Variants in RGS16 observed in about 807,000 individuals in gnomAD.
RGS16 encodes regulator of G protein signaling 16, also known as hRGS-r.
Under a neutral mutation model 18.1 loss-of-function variants are expected in RGS16, and 12 were observed. The observed-to-expected ratio is 0.66, with a 90% CI of 0.42 to 1.07. The LOEUF is 1.07. Ranked by LOEUF, RGS16 falls within the 50% of genes least tolerant of loss-of-function variation. RGS16 has a pLI of 0.00. For missense variants in RGS16, 238 were observed against 249.2 expected, an observed-to-expected ratio of 0.95 and a Z score of 0.30; for synonymous variants, 88 against 102.0, an observed-to-expected ratio of 0.86 and a Z score of 0.83.
rs913941703 is a variant in RGS16 at position 182,599,959 on chromosome 1, C to G, written c.*333G>C. The G allele has an allele frequency of 1.1e-5, 4 of 362,106 alleles. No homozygotes were observed. Among genetic ancestry groups the G allele is most frequent in the African/African-American group, 8.3e-5 (4 of 48,234 alleles). 22.4% of individuals were successfully genotyped at this position (362,106 alleles called of 1,614,324 possible). A position where few individuals can be genotyped will look rare whatever the true frequency, so the allele number is the denominator to read the frequency against. The stretch of plus-strand genomic sequence containing the variant: ...TTATCCACATGTTTCCTAAACCACA[C>G]TAGAACACTTCCTTCTCCGGTGAGA... On this transcript the variant is annotated 3_prime_UTR_variant, in exon 5 of 5. Coordinates refer to ENST00000367558, the MANE Select transcript of RGS16 (RefSeq NM_002928.4).
chr1:182,602,214 T>G (rs1661878023), intron 3 of RGS16, 82 bp from the exon 4 acceptor site: 4 of 1,421,448 alleles, frequency 2.8e-6, no homozygotes, highest in Non-Finnish European at 3.9e-6. Context: ...CAATTGCAAT[T>G]AATGGCTCTA....
At chr1:182,600,820 A>C (rs1262329016) in intron 4 of RGS16, among the ~76,000 whole-genome samples, 1 of 152,180 alleles carries the variant, frequency 6.6e-6, no homozygotes, top group Non-Finnish European at 1.5e-5. Context: ...GATTTGCACC[A>C]AGGCCTCCTA....
intron 4 of RGS16, among the ~76,000 whole-genome samples, chr1:182,601,565 G>GA (rs1387702176): frequency 3.3e-5 from 5 of 152,250 alleles, no homozygotes; most frequent in African/African-American, 1.2e-4. Flanking sequence ...GGCCAGGAGA[G>GA]AAGGTAGACA....
chr1:182,604,249 G>T lies in RGS16; in HGVS notation c.11C>A (p.Thr4Asn), dbSNP rs1316246213. Residue 4 changes from threonine to asparagine, a missense_variant, in exon 1 of 5, where the codon ACC (threonine) becomes AAC (asparagine). Physicochemically the swap from Thr to Asn is moderately conservative, Grantham distance 65. Coordinates refer to ENST00000367558, the MANE Select transcript of RGS16 (RefSeq NM_002928.4). The part of the protein sequence containing the change: MCR[T>N]LAAFPTTCLE... ...GCAGGTGGTGGGGAAGGCGGCCAGG[G>T]TGCGGCACATGGCTGCGGGCGCAGG... is the stretch of plus-strand genomic sequence containing the variant. 1.9e-6 allele frequency: 3 copies of T among 1,551,486 alleles called. No homozygotes were observed. The highest frequency in any genetic ancestry group is 2.6e-6 in the Non-Finnish European group (3 of 1,147,024).
rs552598355 is a variant in RGS16, at chr1:182,601,971, T to C, written c.382A>G (p.Lys128Glu). The change falls in exon 4 of 5, where the codon AAA becomes GAA. Residue 128 changes from lysine to glutamate, a missense_variant. Transcript: ENST00000367558. ...GGGCATATGGGGGCTCTAACCTCTT[T>C]AGGGGCCTCACTGCAAATGAACTCC... ...FEEFICSEAPKEVNIDHETHE... is the reference protein window; with the variant it reads ...FEEFICSEAPEEVNIDHETHE... The C allele has an allele frequency of 1.2e-6, 2 of 1,614,160 alleles. No individual in the cohort carries two copies. The highest frequency in any genetic ancestry group is 2.2e-5 in the East Asian group (1 of 44,878).
rs1313346701 is a variant in RGS16, at chr1:182,602,089, A to G, written c.264T>C (p.Ser88=). The part of the protein sequence containing the change: ...AFHAFLKTEF[S]EENLEFWLAC... Reference sequence around the variant, plus strand: ...CCAGCCAGAACTCCAGGTTCTCCTCACTGAACTCTGTCTTCAGGAAAGCGT... The same window carrying G: ...CCAGCCAGAACTCCAGGTTCTCCTCGCTGAACTCTGTCTTCAGGAAAGCGT... The change falls in exon 4 of 5, where the codon AGT becomes AGC. Residue 88 remains serine, a synonymous_variant. Transcript: ENST00000367558. 1 of 1,613,954 alleles carries G rather than the reference A, an allele frequency of 6.2e-7. No homozygotes were observed. The highest frequency in any genetic ancestry group is 2.2e-5 in the East Asian group (1 of 44,880).
chr1:182,600,192 C>T lies in RGS16; in HGVS notation c.*100G>A. 1.4e-5 allele frequency: 6 copies of T among 421,556 alleles called. No homozygotes were observed. The highest frequency in any genetic ancestry group is 5.5e-5 in the South Asian group (2 of 36,340). The allele number at this position is 421,556 out of a possible 1,614,324, so 26.1% of individuals were successfully genotyped here. A position where few individuals can be genotyped will look rare whatever the true frequency, so the allele number is the denominator to read the frequency against. On this transcript the variant is annotated 3_prime_UTR_variant, in exon 5 of 5. Coordinates refer to ENST00000367558, the MANE Select transcript of RGS16 (RefSeq NM_002928.4). ...TTTTTTTTTTTTTTTTGTCCTCTTG[C>T]ACTTGCTTTGCAGAACCTGCCTCCC...
At position 182,600,404 on chromosome 1, in the gene RGS16, T is replaced by G; in HGVS notation, c.497A>C (p.Asp166Ala). Reference protein sequence around the residue: ...QGKTRTLMEKDSYPRFLKSPA... With the variant: ...QGKTRTLMEKASYPRFLKSPA... ...CGACTTCAGGAAGCGTGGGTAGGAGTCCTTCTCCATCAGGGTACGTGTCTT... is the reference window on the plus strand; with the variant it reads ...CGACTTCAGGAAGCGTGGGTAGGAGGCCTTCTCCATCAGGGTACGTGTCTT... Residue 166 changes from aspartate to alanine, a missense_variant, in exon 5 of 5, where the codon GAC (aspartate) becomes GCC (alanine). By Grantham distance (126) the Asp-to-Ala change is moderately radical (BLOSUM62 -2). Transcript: ENST00000367558. 4 of 1,613,188 alleles carry G rather than the reference T, an allele frequency of 2.5e-6. No individual in the cohort carries two copies. The highest frequency in any genetic ancestry group is 3.4e-6 in the Non-Finnish European group (4 of 1,179,798).
chr1:182,600,035 C>G lies in RGS16; in HGVS notation c.*257G>C, dbSNP rs1438910395. 3 of 534,542 alleles carry G rather than the reference C, an allele frequency of 5.6e-6. No individual in the cohort carries two copies. Among genetic ancestry groups the G allele is most frequent in the Non-Finnish European group, 1.0e-5 (3 of 299,024 alleles). 33.1% of individuals were successfully genotyped at this position (534,542 alleles called of 1,614,324 possible). ...CCACCTTTTTGCCCCACAGAGAGCC[C>G]CACCAACCCTCATCATTAGCCCTTA... is the stretch of plus-strand genomic sequence containing the variant. On this transcript the variant is annotated 3_prime_UTR_variant, in exon 5 of 5. Transcript: ENST00000367558.
In RGS16 at chr1:182,601,331, T is replaced by G. The variant is rs75034882; in HGVS notation, c.387+635A>C. Among the ~76,000 whole-genome samples, 996 of 152,270 alleles carry G rather than the reference T, an allele frequency of 6.5e-3. 3 individuals carry two copies. The highest frequency in any genetic ancestry group is 9.8e-3 in the Non-Finnish European group (668 of 68,022). ...TATTGGCATCTTCCCCCATTCAAAT[T>G]ATAAGTTTCATTAGGTAAGGGACTT... On this transcript the variant is annotated intron_variant, in intron 4 of 4. Transcript: ENST00000367558.
chr1:182,600,503 T>A lies in RGS16; in HGVS notation c.398A>T (p.Asp133Val), dbSNP rs368729850. Residue 133 changes from aspartate (D) to valine (V), a missense_variant, in exon 5 of 5, where the codon GAC becomes GTC. By Grantham distance (152) the Asp-to-Val change is radical. Coordinates refer to ENST00000367558, the MANE Select transcript of RGS16 (RefSeq NM_002928.4). ...CSEAPKEVNI[D>V]HETHELTRMN... ...CCTCGTCAGCTCGTGGGTCTCATGG[T>A]CAATGTTGACCTGCGGGAAGGAGGA... The A allele has an allele frequency of 6.2e-7, 1 of 1,613,818 alleles. No individual in the cohort carries two copies. Among genetic ancestry groups the A allele is most frequent in the Admixed American group, 1.7e-5 (1 of 60,002 alleles).
rs762647548 is a variant in RGS16, at chr1:182,600,263, C to T, written c.*29G>A. On this transcript the variant is annotated 3_prime_UTR_variant, in exon 5 of 5. Coordinates refer to ENST00000367558, the MANE Select transcript of RGS16 (RefSeq NM_002928.4). Reference sequence around the variant, plus strand: ...GGGATGGGTGACTCAACCTCTCTTCCCGGCTGGCTTCCTCACTGCCGTGGA... The same window carrying T: ...GGGATGGGTGACTCAACCTCTCTTCTCGGCTGGCTTCCTCACTGCCGTGGA... The T allele has an allele frequency of 1.0e-5, 16 of 1,604,040 alleles. No individual in the cohort carries two copies. The highest frequency in any genetic ancestry group is 1.4e-5 in the Non-Finnish European group (16 of 1,174,770).
rs1661881349 is a variant in RGS16, at chr1:182,602,433, C to T, written c.207G>A (p.Leu69=). The change falls in exon 3 of 5, where the codon CTG becomes CTA. Residue 69 remains leucine, a synonymous_variant. Transcript: ENST00000367558. The stretch of plus-strand genomic sequence containing the variant: ...GCTCCTACTCACTTTTACTGCTCAG[C>T]AGCAGGTCGAACGACTCTCTCCACC... ...VLGWRESFDL[L]LSSKNGVAAF... is the part of the protein sequence containing the mutation. The T allele has an allele frequency of 6.2e-7, 1 of 1,613,706 alleles. No homozygotes were observed. The highest frequency in any genetic ancestry group is 8.5e-7 in the Non-Finnish European group (1 of 1,179,832).
intron 3 of RGS16, 100 bp from the exon 4 acceptor site, chr1:182,602,232 A>G (rs1404278336): frequency 7.3e-7 from 1 of 1,373,322 alleles, no homozygotes; most frequent in Non-Finnish European, 1.0e-6. Context: ...CTATTTTTAG[A>G]ACATAATTTT....
chr1:182,602,220 C>A, intron 3 of RGS16, 88 bp from the exon 4 acceptor site: 1 of 1,425,618 alleles, frequency 7.0e-7, no homozygotes, highest in Non-Finnish European at 9.8e-7. Flanking sequence ...CAATTAATGG[C>A]TCTATTTTTA....
At chr1:182,601,401 G>T (rs925550652) in intron 4 of RGS16, among the ~76,000 whole-genome samples, 7 of 152,218 alleles carry the variant, frequency 4.6e-5, no homozygotes, top group Non-Finnish European at 7.3e-5. Flanking sequence ...ACAGTGTCTT[G>T]AATATAATTG....
intron 2 of RGS16, among the ~76,000 whole-genome samples, chr1:182,602,791 T>C (rs922389125): frequency 1.3e-4 from 20 of 152,374 alleles, no homozygotes; most frequent in Middle Eastern, 6.8e-3. Flanking sequence ...AGATTTGTTT[T>C]GTACACCTTC....
chr1:182,600,857 C>G lies in RGS16; in HGVS notation c.388-344G>C, dbSNP rs138829841. Among the ~76,000 whole-genome samples, 3 of 152,348 alleles carry G rather than the reference C, an allele frequency of 2.0e-5. No individual in the cohort carries two copies. The East Asian group carries it at 5.8e-4, about 29-fold the overall frequency. ...CTGGTCTCTCTGCTACCTTACCCCC[C>G]ACCCCTGTGGTTTGTTCTCTACCCA... On this transcript the variant is annotated intron_variant, in intron 4 of 4. Transcript: ENST00000367558.
Position 182,602,535 on chromosome 1 carries a change from A to T in RGS16, c.156-51T>A, listed in dbSNP as rs560774581. The T allele has an allele frequency of 2.4e-5, 35 of 1,431,290 alleles. No homozygotes were observed. In the East Asian group the frequency reaches 7.0e-4, roughly 28 times the overall value. The allele number at this position is 1,431,290 out of a possible 1,614,324, so 88.7% of individuals were successfully genotyped here. ...AGTAAGAAAAAAAATCAACAAACCA[A>T]AGCATAGTACAAATTCTAGCCAGAA... On this transcript the variant is annotated intron_variant, in intron 2 of 4. Transcript: ENST00000367558.
Sources: gnomAD v4.1 joint callset for allele counts (sites outside exome capture counted in the v4.1 genomes callset) on GRCh38, gnomAD v4.1.1 for gene constraint, MANE v1.5 for transcripts, NCBI Gene and HGNC (gene_info 2026-07-23, HGNC 2026-07-21) for gene names.